Variants in RBM20 observed in about 807,000 individuals in gnomAD.
RBM20 encodes the protein RNA-binding protein 20.
In RBM20, 51 loss-of-function variants were observed where a neutral mutation model predicts 110.1. That is an observed-to-expected ratio of 0.46 (90% CI 0.37 to 0.59). RBM20 has a LOEUF of 0.59. Ranked by LOEUF, RBM20 falls within the 20% of genes least tolerant of loss-of-function variation. The probability of loss-of-function intolerance (pLI) is 0.00; values close to 1 mark genes in which losing one functional copy is unlikely to be tolerated. For missense variants in RBM20, 1,512 were observed against 1,574.9 expected, an observed-to-expected ratio of 0.96 and a Z score of 0.68; for synonymous variants, 589 against 618.2, an observed-to-expected ratio of 0.95 and a Z score of 0.70.
chr10:110,813,817 A>G (rs556365873), intron 9 of RBM20, among the ~76,000 whole-genome samples: 1 of 141,126 alleles, frequency 7.1e-6, no homozygotes, highest in Non-Finnish European at 1.5e-5. Flanking sequence ...CCTGGATGAC[A>G]AGAGCGAAAC....
At chr10:110,784,256 C>T (rs1844391210) in intron 3 of RBM20, 85 bp from the exon 4 acceptor site, 4 of 974,256 alleles carry the variant, frequency 4.1e-6, no homozygotes, top group Admixed American at 2.0e-5. Context: ...TGGGGGTCTG[C>T]ACCTACGAGT....
At chr10:110,684,089 T>C (rs1157084326) in intron 1 of RBM20, among the ~76,000 whole-genome samples, 1 of 152,190 alleles carries the variant, frequency 6.6e-6, no homozygotes, top group Non-Finnish European at 1.5e-5. Flanking sequence ...AAGGAAAACA[T>C]TGACAGACAA....
intron 1 of RBM20, among the ~76,000 whole-genome samples, chr10:110,727,143 CTTT>C (rs57606079): frequency 1.8e-3 from 148 of 80,634 alleles, no homozygotes; most frequent in African/African-American, 7.1e-3. Flanking sequence ...TGCACCCAGC[CTTT>C]TTTTTTTTTT....
chr10:110,649,483 G>T (rs2134802149), intron 1 of RBM20, among the ~76,000 whole-genome samples: 1 of 152,246 alleles, frequency 6.6e-6, no homozygotes, highest in South Asian at 2.1e-4. Context: ...AGATACTGGA[G>T]TTAAAACCCA....
intron 1 of RBM20, among the ~76,000 whole-genome samples, chr10:110,671,236 G>A (rs971600452): frequency 1.3e-5 from 2 of 152,138 alleles, no homozygotes; most frequent in Non-Finnish European, 2.9e-5. Context: ...GACAATGATG[G>A]TTCTAGTTTT....
At chr10:110,663,237 C>T (rs1590602525) in intron 1 of RBM20, among the ~76,000 whole-genome samples, 2 of 152,124 alleles carry the variant, frequency 1.3e-5, no homozygotes, top group East Asian at 3.9e-4. Flanking sequence ...GGATTACAGG[C>T]GTGAGCCACC....
intron 1 of RBM20, among the ~76,000 whole-genome samples, chr10:110,700,969 C>G (rs1862749001): frequency 6.6e-6 from 1 of 152,168 alleles, no homozygotes; most frequent in South Asian, 2.1e-4. Flanking sequence ...GAGCCGAGTT[C>G]ATGCCACTGC....
intron 5 of RBM20, among the ~76,000 whole-genome samples, chr10:110,794,853 G>A (rs956037842): frequency 2.0e-5 from 3 of 152,226 alleles, no homozygotes; most frequent in African/African-American, 7.2e-5. Flanking sequence ...TGGCAGCTGC[G>A]AGGTTGTTTT....
intron 1 of RBM20, among the ~76,000 whole-genome samples, chr10:110,711,537 A>G (rs1337254904): frequency 1.3e-5 from 2 of 152,142 alleles, no homozygotes; most frequent in Non-Finnish European, 2.9e-5. Context: ...ATGAGACTGG[A>G]TAATTGCAAG....
chr10:110,818,786 C>G (rs186436254), intron 9 of RBM20, among the ~76,000 whole-genome samples: 4 of 152,284 alleles, frequency 2.6e-5, no homozygotes, highest in Admixed American at 2.6e-4. Context: ...TTCATTTTGA[C>G]AAGAGAGGGC....
At chr10:110,767,059 G>A (rs1204784060) in intron 1 of RBM20, among the ~76,000 whole-genome samples, 28 of 132,224 alleles carry the variant, frequency 2.1e-4, no homozygotes, top group African/African-American at 7.4e-4. Flanking sequence ...CTCCCGGACG[G>A]GGCGGCTGGC....
chr10:110,777,271 AG>A (rs1844278173), intron 1 of RBM20, among the ~76,000 whole-genome samples: 1 of 152,202 alleles, frequency 6.6e-6, no homozygotes, highest in South Asian at 2.1e-4. Context: ...CAAACTAAGG[AG>A]TGGGAAGACA....
At chr10:110,827,060 T>C (rs533225985) in intron 12 of RBM20, among the ~76,000 whole-genome samples, 1 of 152,306 alleles carries the variant, frequency 6.6e-6, no homozygotes, top group Admixed American at 6.5e-5. Context: ...CATTATCTCA[T>C]TGGTCCCCGA....
intron 7 of RBM20, among the ~76,000 whole-genome samples, chr10:110,805,251 G>T (rs1265769059): frequency 6.6e-6 from 1 of 152,184 alleles, no homozygotes; most frequent in East Asian, 1.9e-4. Flanking sequence ...GTGTGAAAAA[G>T]GGAAGAGATT....
intron 1 of RBM20, among the ~76,000 whole-genome samples, chr10:110,740,006 T>TA (rs1843709348): frequency 6.6e-6 from 1 of 152,238 alleles, no homozygotes; most frequent in South Asian, 2.1e-4. Flanking sequence ...CTGCCCCTGA[T>TA]ACTCAGCAAT....
In RBM20 at chr10:110,705,208, G is replaced by A. The variant is rs545151227; in HGVS notation, c.191+60563G>A. On this transcript the variant is annotated intron_variant, in intron 1 of 13. Coordinates refer to ENST00000369519, the MANE Select transcript of RBM20 (RefSeq NM_001134363.3). ...AGTTCACATAATGTGTTTGACGCCT[G>A]GAACAGATAATTTTTCACATTACTG... Among the ~76,000 whole-genome samples the A allele has an allele frequency of 3.3e-5, 5 of 152,246 alleles. No homozygotes were observed. In the South Asian group the frequency reaches 1.0e-3, roughly 32 times the overall value.
At chr10:110,649,463 AG>A in intron 1 of RBM20, among the ~76,000 whole-genome samples, 1 of 152,310 alleles carries the variant, frequency 6.6e-6, no homozygotes, top group Non-Finnish European at 1.5e-5. Flanking sequence ...GTAAGAATTG[AG>A]GAAGCTTGAG....
chr10:110,727,584 T>C lies in RBM20; in HGVS notation c.192-53217T>C. ...TTTGATATAAAGAAGACCAAATCAC[T>C]TCCCTCTTGGCTCTTATTTATAAGA... On this transcript the variant is annotated intron_variant, in intron 1 of 13. Transcript: ENST00000369519. Among the ~76,000 whole-genome samples the C allele has an allele frequency of 1.3e-5, 2 of 152,152 alleles. 1 individual carries two copies. The highest frequency in any genetic ancestry group is 3.8e-4 in the East Asian group (2 of 5,198).
chr10:110,723,590 A>T (rs530382492), intron 1 of RBM20, among the ~76,000 whole-genome samples: 1 of 152,306 alleles, frequency 6.6e-6, no homozygotes, highest in African/African-American at 2.4e-5. Context: ...TGCAGCACTT[A>T]TTATCATCTT....
Sources: allele counts gnomAD v4.1 joint callset (sites outside exome capture counted in the v4.1 genomes callset), GRCh38; gene constraint gnomAD v4.1.1; transcripts MANE v1.5; gene names NCBI Gene and HGNC (gene_info 2026-07-23, HGNC 2026-07-21).